The following TMEM44 variants were observed in gnomAD, a reference collection of about 807,000 sequenced individuals.
TMEM44 encodes the protein transmembrane protein 44.
In TMEM44, 43 loss-of-function variants were observed where a neutral mutation model predicts 47.8. That is an observed-to-expected ratio of 0.90 (90% confidence interval 0.70 to 1.16). The LOEUF is 1.16. Among genes scored for constraint, TMEM44 ranks in the 50% most tolerant of loss-of-function variants. The probability of loss-of-function intolerance (pLI) is 0.00; values close to 1 mark genes in which losing one functional copy is unlikely to be tolerated. For synonymous variants in TMEM44, 277 were observed against 238.8 expected, an observed-to-expected ratio of 1.16 and a Z score of -1.48; for missense variants, 568 against 555.2, an observed-to-expected ratio of 1.02 and a Z score of -0.23.
At chr3:194,622,143 CCA>C (rs1251401390) in intron 5 of TMEM44, among the ~76,000 whole-genome samples, 1 of 152,236 alleles carries the variant, frequency 6.6e-6, no homozygotes, top group Admixed American at 6.5e-5. Context: ...GGTCACACGT[CCA>C]CAGTGTCTTG....
At chr3:194,609,430 G>A (rs1715087848) in intron 8 of TMEM44, among the ~76,000 whole-genome samples, 1 of 152,162 alleles carries the variant, frequency 6.6e-6, no homozygotes. Context: ...AGCCTGTGAG[G>A]GTGGCAGGAA....
intron 5 of TMEM44, chr3:194,622,546 T>TC: frequency 6.9e-6 from 1 of 145,060 alleles, no homozygotes. Flanking sequence ...CATAAGACAC[T>TC]CTTTTTTTTT....
intron 7 of TMEM44, among the ~76,000 whole-genome samples, chr3:194,612,195 C>T (rs941045894): frequency 6.6e-6 from 1 of 152,176 alleles, no homozygotes; most frequent in Admixed American, 6.5e-5. Context: ...CTCTGAAGAA[C>T]TGCTAGAGAC....
chr3:194,592,882 G>A (rs1235469912), intron 9 of TMEM44, among the ~76,000 whole-genome samples: 1 of 152,102 alleles, frequency 6.6e-6, no homozygotes, highest in Non-Finnish European at 1.5e-5. Context: ...CAAAGTGCTA[G>A]GATTACAGGT....
rs980734282 is a variant in TMEM44, at chr3:194,628,435, G to A, written c.212C>T (p.Thr71Ile). The change falls in exon 2 of 10, where the codon ACC becomes ATC. Residue 71 changes from threonine to isoleucine, a missense_variant. By Grantham distance (89) the Thr-to-Ile change is moderately conservative. Transcript: ENST00000347147. ...AGCCCCGACGGTGTCACACAGACTGGTCAGGAGGCAGCACGCAGCACACAG... is the reference window on the plus strand; with the variant it reads ...AGCCCCGACGGTGTCACACAGACTGATCAGGAGGCAGCACGCAGCACACAG... ...SALCAACCLL[T>I]SLCDTVGALL... 6.2e-7 allele frequency: 1 copy of A among 1,613,248 alleles called. No homozygotes were observed. The highest frequency in any genetic ancestry group is 1.3e-5 in the African/African-American group (1 of 74,928).
chr3:194,603,705 A>C (rs1002770141), intron 9 of TMEM44, among the ~76,000 whole-genome samples: 3 of 152,054 alleles, frequency 2.0e-5, no homozygotes, highest in Non-Finnish European at 2.9e-5. Flanking sequence ...GCCAACACCA[A>C]GACTTTAAAA....
At chr3:194,588,704 C>T (rs1199072423) in intron 9 of TMEM44, 65 bp from the exon 10 acceptor site, 22 of 1,468,030 alleles carry the variant, frequency 1.5e-5, no homozygotes, top group Non-Finnish European at 2.1e-5. Context: ...CTGTCATAAC[C>T]CCTGACCCAA....
intron 8 of TMEM44, among the ~76,000 whole-genome samples, chr3:194,605,947 A>G (rs1369972957): frequency 2.0e-5 from 3 of 152,170 alleles, no homozygotes; most frequent in African/African-American, 7.2e-5. Flanking sequence ...GGACTGGCAG[A>G]GAAAATCCAC....
intron 9 of TMEM44, among the ~76,000 whole-genome samples, chr3:194,595,940 T>C (rs1713354101): frequency 6.6e-6 from 1 of 152,156 alleles, no homozygotes; most frequent in Admixed American, 6.6e-5. Flanking sequence ...TCTGTATTTC[T>C]TACCTGCTAT....
intron 9 of TMEM44, among the ~76,000 whole-genome samples, chr3:194,601,272 G>A (rs1237575057): frequency 6.6e-6 from 1 of 151,560 alleles, no homozygotes; most frequent in Non-Finnish European, 1.5e-5. Context: ...GTAGTAGCTG[G>A]GATTACAGGC....
At chr3:194,618,752 G>C (rs1397724253) in intron 5 of TMEM44, among the ~76,000 whole-genome samples, 1 of 152,048 alleles carries the variant, frequency 6.6e-6, no homozygotes. Context: ...GCATGTTTTG[G>C]CCAATTTTGC....
chr3:194,602,632 G>A (rs1421963951), intron 9 of TMEM44, among the ~76,000 whole-genome samples: 6 of 151,502 alleles, frequency 4.0e-5, no homozygotes, highest in Non-Finnish European at 7.4e-5. Flanking sequence ...AGAAAGGTAC[G>A]TGCTCTGGGC....
chr3:194,592,530 GCTT>G (rs1449862985), intron 9 of TMEM44, among the ~76,000 whole-genome samples: 3 of 152,096 alleles, frequency 2.0e-5, no homozygotes, highest in Non-Finnish European at 2.9e-5. Context: ...TATTACTTGG[GCTT>G]ACCTGAATAC....
At chr3:194,621,588 T>C (rs1244535999) in intron 5 of TMEM44, among the ~76,000 whole-genome samples, 2 of 152,226 alleles carry the variant, frequency 1.3e-5, no homozygotes, top group South Asian at 2.1e-4. Flanking sequence ...GCCCAGGCCC[T>C]GCGAGGCTTC....
intron 1 of TMEM44, among the ~76,000 whole-genome samples, chr3:194,631,668 G>A (rs1429513120): frequency 6.6e-6 from 1 of 152,170 alleles, no homozygotes; most frequent in Non-Finnish European, 1.5e-5. Context: ...GTGAGTTAAT[G>A]GTGGTCTTCT....
At chr3:194,627,162 G>T (rs891718620) in intron 2 of TMEM44, among the ~76,000 whole-genome samples, 1 of 152,234 alleles carries the variant, frequency 6.6e-6, no homozygotes, top group South Asian at 2.1e-4. Context: ...CTCCCAAAGT[G>T]CTGGGATTGC....
At chr3:194,627,069 G>A (rs1490995056) in intron 2 of TMEM44, among the ~76,000 whole-genome samples, 1 of 151,714 alleles carries the variant, frequency 6.6e-6, no homozygotes, top group East Asian at 1.9e-4. Context: ...CTACAGGCAC[G>A]CGCCACCACG....
rs1190553881 is a variant in TMEM44, at chr3:194,604,274, AAC to A, written c.1176+11_1176+12del. 1 of 1,574,030 alleles carries A rather than the reference AAC, an allele frequency of 6.4e-7. No individual in the cohort carries two copies. The highest frequency in any genetic ancestry group is 2.4e-5 in the East Asian group (1 of 41,916). On this transcript the variant is annotated intron_variant, in intron 9 of 9. Transcript: ENST00000347147. ...GCACCCACGCACCCGCCCAGCAGGC[AAC>A]AGCCGTGTACCTCCAGGTCGGAGTT...
rs1217053670 is a variant in TMEM44, at chr3:194,623,563, C to G, written c.491G>C (p.Gly164Ala). ...GCTCGCTAGCAGCCTCCGCTGTGGC[C>G]CCCGGATGGTGGCTGAAGCCTTCGG... ...AVPKASATIRGPQRRLLASLL... is the reference protein window; with the variant it reads ...AVPKASATIRAPQRRLLASLL... Residue 164 changes from glycine (G) to alanine (A), a missense_variant, in exon 4 of 10, where the codon GGG (glycine) becomes GCG (alanine). Gly to Ala is a moderately conservative substitution (Grantham distance 60). Coordinates refer to ENST00000347147, the MANE Select transcript of TMEM44 (RefSeq NM_001011655.3). 6.2e-7 allele frequency: 1 copy of G among 1,608,142 alleles called. No individual in the cohort carries two copies. Among genetic ancestry groups the G allele is most frequent in the East Asian group, 2.2e-5 (1 of 44,794 alleles).
Sources: gnomAD v4.1 joint callset for allele counts (sites outside exome capture counted in the v4.1 genomes callset) on GRCh38, gnomAD v4.1.1 for gene constraint, MANE v1.5 for transcripts, NCBI Gene and HGNC (gene_info 2026-07-23, HGNC 2026-07-21) for gene names.